The following HNRNPF variants were observed in gnomAD, a reference collection of about 807,000 sequenced individuals.
HNRNPF encodes HnRNP F protein.
Under a neutral mutation model 26.0 loss-of-function variants are expected in HNRNPF, and 2 were observed. The ratio of observed to expected loss-of-function variants is 0.08; its 90% CI spans 0.03 to 0.24. The LOEUF is 0.24. HNRNPF is among the 10% of genes least tolerant of loss of function. The pLI is 1.00. For missense variants in HNRNPF, 299 were observed against 539.2 expected (o/e 0.55, Z 4.41); for synonymous variants, 234 against 211.5 (o/e 1.11, Z -0.92).
rs919006120 is a variant in HNRNPF, at chr10:43,394,701, C to CA, written c.-111-14dup. On this transcript the variant is annotated splice_polypyrimidine_tract_variant and intron_variant, in intron 2 of 3. Coordinates refer to ENST00000682386, the MANE Select transcript of HNRNPF (RefSeq NM_001098204.2). ...GTAATGAAATGTCCTAAAAAAAAAA[C>CA]AGAGCGATATTGGCTGTGTGGTCTC... 5.9e-5 allele frequency: 9 copies of CA among 151,598 alleles called. No individual in the cohort carries two copies. Among genetic ancestry groups the CA allele is most frequent in the South Asian group, 2.1e-4 (1 of 4,804 alleles). The allele number at this position is 151,598 out of a possible 1,614,324, so 9.4% of individuals were successfully genotyped here.
chr10:43,394,947 AGTACCTG>A (rs1382034071), intron 2 of HNRNPF, among the ~76,000 whole-genome samples: 2 of 152,206 alleles, frequency 1.3e-5, no homozygotes, highest in Non-Finnish European at 2.9e-5. Flanking sequence ...CTCCTGCCTC[AGTACCTG>A]GTATTACAGG....
chr10:43,388,038 A>C lies in HNRNPF; in HGVS notation c.-52-102T>G, dbSNP rs187126410. ...AGACATTAAGAAATATACCAAATAC[A>C]ATTGAGAGCTAAGAGTTAACTCCAG... On this transcript the variant is annotated intron_variant, in intron 3 of 3. Coordinates refer to ENST00000682386, the MANE Select transcript of HNRNPF (RefSeq NM_001098204.2). The C allele has an allele frequency of 5.9e-5, 37 of 623,732 alleles. No individual in the cohort carries two copies. The Admixed American group carries it at 1.0e-3, about 17-fold the overall frequency. The allele number at this position is 623,732 out of a possible 1,614,324, so 38.6% of individuals were successfully genotyped here.
rs1838029088 is a variant in HNRNPF, at chr10:43,386,527, A to C, written c.*110T>G. The C allele has an allele frequency of 9.2e-7, 1 of 1,089,032 alleles. No homozygotes were observed. The highest frequency in any genetic ancestry group is 1.6e-5 in the African/African-American group (1 of 63,224). The allele number at this position is 1,089,032 out of a possible 1,614,324, so 67.5% of individuals were successfully genotyped here. On this transcript the variant is annotated 3_prime_UTR_variant, in exon 4 of 4. Transcript: ENST00000682386. ...TAATTTTTTAATCCAGATTTTTCAC[A>C]AACTCATGGTGCAAAATGGGTCCCC...
In HNRNPF at chr10:43,394,634, A is replaced by G. The variant is rs1020175681; in HGVS notation, c.-57T>C. The G allele has an allele frequency of 6.6e-6, 1 of 152,210 alleles. No homozygotes were observed. The highest frequency in any genetic ancestry group is 1.5e-5 in the Non-Finnish European group (1 of 68,036). 9.4% of individuals were successfully genotyped at this position (152,210 alleles called of 1,614,324 possible). Reference sequence around the variant, plus strand: ...GCTCTTCTTAAAATAGCTTACCTTAAAAACAACCACGGATGCCTTCAGTGG... The same window carrying G: ...GCTCTTCTTAAAATAGCTTACCTTAGAAACAACCACGGATGCCTTCAGTGG... On this transcript the variant is annotated 5_prime_UTR_variant, in exon 3 of 4. Coordinates refer to ENST00000682386, the MANE Select transcript of HNRNPF (RefSeq NM_001098204.2).
chr10:43,399,792 C>T (rs1157254759), intron 1 of HNRNPF, among the ~76,000 whole-genome samples: 1 of 152,130 alleles, frequency 6.6e-6, no homozygotes, highest in Non-Finnish European at 1.5e-5. Context: ...CTAAAAGATA[C>T]AGGAACTGTA....
chr10:43,386,719 T>C lies in HNRNPF; in HGVS notation c.1166A>G (p.Tyr389Cys). Residue 389 changes from tyrosine (Y) to cysteine (C), a missense_variant, in exon 4 of 4, where the codon TAC (tyrosine) becomes TGC (cysteine). Tyr to Cys is a radical substitution (Grantham distance 194, BLOSUM62 -2). Around this residue, in one of 6 missense-constraint regions of HNRNPF, gnomAD observed 53 missense variants for 72.4 expected, o/e 0.73. Transcript: ENST00000682386. ...CACTGACTGGCTCTCCAGGCCACTG[T>C]AAGTGGCCTGGGCAGCAGACACCCC... ...GMGVSAAQAT[Y>C]SGLESQSVSG... 6.2e-7 allele frequency: 1 copy of C among 1,613,754 alleles called. No homozygotes were observed. Among genetic ancestry groups the C allele is most frequent in the Non-Finnish European group, 8.5e-7 (1 of 1,179,702 alleles).
At chr10:43,405,790 T>G (rs574452762) in intron 1 of HNRNPF, among the ~76,000 whole-genome samples, 32 of 152,342 alleles carry the variant, frequency 2.1e-4, no homozygotes, top group Middle Eastern at 3.4e-3. Flanking sequence ...ATTTATTTAT[T>G]AATAAAGACC....
chr10:43,408,478 C>T (rs1293519540), intron 1 of HNRNPF, among the ~76,000 whole-genome samples: 1 of 152,180 alleles, frequency 6.6e-6, no homozygotes, highest in African/African-American at 2.4e-5. Context: ...ATGTGCAGTC[C>T]TCGCTCGGTC....
At chr10:43,393,561 A>G (rs1008610176) in intron 3 of HNRNPF, among the ~76,000 whole-genome samples, 1 of 151,324 alleles carries the variant, frequency 6.6e-6, no homozygotes, top group Non-Finnish European at 1.5e-5. Flanking sequence ...GCGTCACTGC[A>G]CTCCAGCCTA....
chr10:43,407,459 G>A (rs1332294503), intron 1 of HNRNPF, among the ~76,000 whole-genome samples: 1 of 152,050 alleles, frequency 6.6e-6, no homozygotes, highest in Non-Finnish European at 1.5e-5. Context: ...CTAGGGGGAG[G>A]GGTTCCCGCG....
rs200888564 is a variant in HNRNPF at position 43,386,700 on chromosome 10, C to T, written c.1185G>A (p.Gln395=). ...AQATYSGLES[Q]SVSGCYGAGY... is the part of the protein sequence containing the mutation. ...CGGCCCCGTAACAGCCACTCACTGA[C>T]TGGCTCTCCAGGCCACTGTAAGTGG... Residue 395 remains glutamine (Q), a synonymous_variant, in exon 4 of 4, where the codon CAG becomes CAA. Coordinates refer to ENST00000682386, the MANE Select transcript of HNRNPF (RefSeq NM_001098204.2). 18 of 1,609,342 alleles carry T rather than the reference C, an allele frequency of 1.1e-5. 1 individual carries two copies. In the Admixed American group the frequency reaches 2.7e-4, roughly 25 times the overall value.
Position 43,386,742 on chromosome 10 carries a change from C to T in HNRNPF, c.1143G>A (p.Gly381=). 6.2e-7 allele frequency: 1 copy of T among 1,614,200 alleles called. No homozygotes were observed. Among genetic ancestry groups the T allele is most frequent in the Non-Finnish European group, 8.5e-7 (1 of 1,180,028 alleles). The part of the protein sequence containing the change: ...AYSSQVMQGM[G]VSAAQATYSG... Reference sequence around the variant, plus strand: ...TGTAAGTGGCCTGGGCAGCAGACACCCCCATGCCTTGCATCACCTGGCTGC... The same window carrying T: ...TGTAAGTGGCCTGGGCAGCAGACACTCCCATGCCTTGCATCACCTGGCTGC... Residue 381 remains glycine, a synonymous_variant, in exon 4 of 4, where the codon GGG becomes GGA. Transcript: ENST00000682386.
At chr10:43,406,244 A>AC (rs1005684505) in intron 1 of HNRNPF, among the ~76,000 whole-genome samples, 1 of 151,804 alleles carries the variant, frequency 6.6e-6, no homozygotes, top group Non-Finnish European at 1.5e-5. Flanking sequence ...GCAGGCATCT[A>AC]CCCCCACCGG....
At position 43,397,447 on chromosome 10, in the gene HNRNPF, G is replaced by T. The variant is rs562254535; in HGVS notation, c.-246-857C>A. The T allele has an allele frequency of 1.4e-3, 209 of 152,466 alleles. 1 individual carries two copies. The highest frequency in any genetic ancestry group is 3.4e-3 in the Middle Eastern group (1 of 294). 9.4% of individuals were successfully genotyped at this position (152,466 alleles called of 1,614,324 possible). ...GGAAGACATTTCTCCGAGTTCTCCC[G>T]AAGGGAGCCAGGCGCGAGCGCGACC... On this transcript the variant is annotated intron_variant, in intron 1 of 3. Coordinates refer to ENST00000682386, the MANE Select transcript of HNRNPF (RefSeq NM_001098204.2).
At chr10:43,402,906 A>T (rs561380731) in intron 1 of HNRNPF, among the ~76,000 whole-genome samples, 111 of 145,562 alleles carry the variant, frequency 7.6e-4, no homozygotes, top group African/African-American at 2.7e-3. Flanking sequence ...TTTTTTTTTT[A>T]AACGGGGTCT....
chr10:43,390,169 G>C (rs1400423230), intron 3 of HNRNPF, among the ~76,000 whole-genome samples: 1 of 152,208 alleles, frequency 6.6e-6, no homozygotes. Context: ...TAACAGTTCA[G>C]AAGCTCCTCC....
chr10:43,399,735 ATGAC>A (rs1273815452), intron 1 of HNRNPF, among the ~76,000 whole-genome samples: 1 of 152,228 alleles, frequency 6.6e-6, no homozygotes, highest in East Asian at 1.9e-4. Flanking sequence ...GTAGAGAAAA[ATGAC>A]TGAGTCTGGA....
At chr10:43,400,345 A>G (rs750971319) in intron 1 of HNRNPF, among the ~76,000 whole-genome samples, 1 of 152,140 alleles carries the variant, frequency 6.6e-6, no homozygotes, top group Non-Finnish European at 1.5e-5. Flanking sequence ...GATGCTTTGT[A>G]TTCATATTCT....
Position 43,387,671 on chromosome 10 carries a change from T to G in HNRNPF, c.214A>C (p.Lys72Gln). ...GSEDDVKMAL[K>Q]KDRESMGHRY... ...TGTCCCATGCTTTCCCTGTCTTTTTTCAGGGCCATTTTTACATCATCTTCT... is the reference window on the plus strand; with the variant it reads ...TGTCCCATGCTTTCCCTGTCTTTTTGCAGGGCCATTTTTACATCATCTTCT... The change falls in exon 4 of 4, where the codon AAA (lysine) becomes CAA (glutamine). Residue 72 changes from lysine (K) to glutamine (Q), a missense_variant. Coordinates refer to ENST00000682386, the MANE Select transcript of HNRNPF (RefSeq NM_001098204.2). This position sits in a 1 kb window ranked among gnomAD's most constrained non-coding sequence, Gnocchi z 6.0. The G allele has an allele frequency of 1.2e-6, 2 of 1,614,192 alleles. No homozygotes were observed. The highest frequency in any genetic ancestry group is 1.7e-6 in the Non-Finnish European group (2 of 1,180,034).
Sources: allele counts gnomAD v4.1 joint callset (sites outside exome capture counted in the v4.1 genomes callset), GRCh38; gene constraint gnomAD v4.1.1; regional missense constraint gnomAD v4.1.1; non-coding constraint Gnocchi (gnomAD v3.1); transcripts MANE v1.5; gene names NCBI Gene and HGNC (gene_info 2026-07-23, HGNC 2026-07-21).